The following PRIMA1 variants were observed in gnomAD, a reference collection of about 807,000 sequenced individuals.
PRIMA1 encodes proline-rich membrane anchor 1.
Under a neutral mutation model 17.5 loss-of-function variants are expected in PRIMA1, and 7 were observed. The ratio of observed to expected loss-of-function variants is 0.40; its 90% CI spans 0.23 to 0.75. The LOEUF (loss-of-function observed/expected upper bound fraction) is 0.75. Ranked by LOEUF, PRIMA1 falls within the 30% of genes least tolerant of loss-of-function variation. The pLI is 0.37. For missense variants in PRIMA1, 200 were observed against 201.8 expected (o/e 0.99, Z 0.05); for synonymous variants, 97 against 77.9 (o/e 1.25, Z -1.29).
intron 2 of PRIMA1, among the ~76,000 whole-genome samples, chr14:93,780,979 C>T (rs1885359443): frequency 6.6e-6 from 1 of 152,094 alleles, no homozygotes; most frequent in Non-Finnish European, 1.5e-5. Context: ...CTGATCCAGC[C>T]CCTCTGTCAC....
chr14:93,775,550 G>A (rs182710960), intron 3 of PRIMA1, among the ~76,000 whole-genome samples: 20 of 152,348 alleles, frequency 1.3e-4, no homozygotes, highest in Admixed American at 1.1e-3. Context: ...CCAGGCTGGA[G>A]TGCAATGGTG....
At position 93,721,400 on chromosome 14, in the gene PRIMA1, C is replaced by G; in HGVS notation, c.*44G>C. On this transcript the variant is annotated 3_prime_UTR_variant, in exon 5 of 5. Transcript: ENST00000393140. ...ACCTGCTTTCCCATGTCCACCAGTG[C>G]CACCAAGGTGTCCCTCTGGCCAGCG... is the stretch of plus-strand genomic sequence containing the variant. 1.5e-6 allele frequency: 2 copies of G among 1,311,968 alleles called. No homozygotes were observed. The highest frequency in any genetic ancestry group is 2.2e-6 in the Non-Finnish European group (2 of 908,848). 81.3% of individuals were successfully genotyped at this position (1,311,968 alleles called of 1,614,324 possible). A position where few individuals can be genotyped will look rare whatever the true frequency, so the allele number is the denominator to read the frequency against.
chr14:93,729,846 G>C lies in PRIMA1; in HGVS notation c.359+7395C>G, dbSNP rs539470632. Reference sequence around the variant, plus strand: ...CTTGGAGAGGGGACCGCTGAGTCAGGGTACATGCGTATGGGGAAGGGAGAG... The same window carrying C: ...CTTGGAGAGGGGACCGCTGAGTCAGCGTACATGCGTATGGGGAAGGGAGAG... On this transcript the variant is annotated intron_variant, in intron 4 of 4. Coordinates refer to ENST00000393140, the MANE Select transcript of PRIMA1 (RefSeq NM_178013.4). Among the ~76,000 whole-genome samples, 10 of 152,140 alleles carry C rather than the reference G, an allele frequency of 6.6e-5. No individual in the cohort carries two copies. In the South Asian group the frequency reaches 1.7e-3, roughly 25 times the overall value.
intron 3 of PRIMA1, among the ~76,000 whole-genome samples, chr14:93,769,477 T>C (rs1884989607): frequency 6.6e-6 from 1 of 152,180 alleles, no homozygotes; most frequent in African/African-American, 2.4e-5. Flanking sequence ...ATGGCAACAG[T>C]GAGCTGGGCA....
intron 4 of PRIMA1, among the ~76,000 whole-genome samples, chr14:93,731,870 G>T (rs113521177): frequency 4.7e-4 from 71 of 152,246 alleles, no homozygotes; most frequent in African/African-American, 1.6e-3. Flanking sequence ...CATCAAAAAG[G>T]CTTGAGCATT....
intron 3 of PRIMA1, 60 bp from the exon 4 acceptor site, chr14:93,737,430 G>T: frequency 1.3e-6 from 2 of 1,584,198 alleles, no homozygotes. Flanking sequence ...GCCAGTGACA[G>T]AGGTGGGACC....
At chr14:93,732,519 C>A (rs1006081451) in intron 4 of PRIMA1, among the ~76,000 whole-genome samples, 1 of 152,204 alleles carries the variant, frequency 6.6e-6, no homozygotes, top group Admixed American at 6.5e-5. Flanking sequence ...TGGGGGCAGT[C>A]TGGTCTGATT....
At chr14:93,777,423 G>A (rs1021002217) in intron 3 of PRIMA1, among the ~76,000 whole-genome samples, 2 of 152,112 alleles carry the variant, frequency 1.3e-5, no homozygotes, top group Admixed American at 6.6e-5. Flanking sequence ...TGCAACCTCC[G>A]CCTCCCGGGT....
intron 3 of PRIMA1, among the ~76,000 whole-genome samples, chr14:93,747,557 T>C (rs1487693099): frequency 6.7e-6 from 1 of 149,646 alleles, no homozygotes; most frequent in Non-Finnish European, 1.5e-5. Flanking sequence ...TGTGTGAGAG[T>C]GTGAGTGTGG....
At chr14:93,748,074 ATGTG>A (rs566849846) in intron 3 of PRIMA1, among the ~76,000 whole-genome samples, 2 of 150,418 alleles carry the variant, frequency 1.3e-5, no homozygotes, top group African/African-American at 4.9e-5. Flanking sequence ...GTGAATGTGT[ATGTG>A]TGTGAGTGCG....
chr14:93,768,951 G>A (rs1263503347), intron 3 of PRIMA1, among the ~76,000 whole-genome samples: 1 of 150,192 alleles, frequency 6.7e-6, no homozygotes, highest in Non-Finnish European at 1.5e-5. Flanking sequence ...GATTACAGGT[G>A]TGCACCACCA....
At position 93,739,288 on chromosome 14, in the gene PRIMA1, G is replaced by A. The variant is rs536430802; in HGVS notation, c.230-1918C>T. On this transcript the variant is annotated intron_variant, in intron 3 of 4. Transcript: ENST00000393140. ...GCTGGTCTCGAACTCCTGACCTCAG[G>A]TGATCTGCCCACCTCGGTCTCCCAA... is the stretch of plus-strand genomic sequence containing the variant. 1.1e-4 allele frequency among the ~76,000 whole-genome samples: 16 copies of A among 152,230 alleles called. 1 individual carries two copies. The Middle Eastern group carries it at 0.014, about 129-fold the overall frequency.
intron 1 of PRIMA1, among the ~76,000 whole-genome samples, chr14:93,788,088 TCA>T (rs1885578631): frequency 6.6e-6 from 1 of 152,018 alleles, no homozygotes; most frequent in Non-Finnish European, 1.5e-5. Flanking sequence ...CAACTCACTC[TCA>T]CTGTGAGCAC....
At chr14:93,727,856 T>C (rs748309353) in intron 4 of PRIMA1, among the ~76,000 whole-genome samples, 1 of 151,724 alleles carries the variant, frequency 6.6e-6, no homozygotes, top group Non-Finnish European at 1.5e-5. Flanking sequence ...CACAAAGCCA[T>C]CTGTTCTTCC....
At chr14:93,769,030 G>T (rs1224317647) in intron 3 of PRIMA1, among the ~76,000 whole-genome samples, 1 of 3,572 alleles carries the variant, frequency 2.8e-4, no homozygotes, top group African/African-American at 5.5e-4. Flanking sequence ...ACTGGCTAAA[G>T]ATCACTTTTT....
chr14:93,739,074 C>T (rs368437183), intron 3 of PRIMA1, among the ~76,000 whole-genome samples: 11 of 149,452 alleles, frequency 7.4e-5, no homozygotes, highest in East Asian at 3.9e-4. Flanking sequence ...TTTTTTGAGA[C>T]GGAGTTTCGC....
In PRIMA1 at chr14:93,719,770, G is replaced by C. The variant is rs2076025354; in HGVS notation, c.*1674C>G. ...ACTATGCTGATGCCCAGGTGTCCAG[G>C]GGAAGCAAAATTCAAATCTAAACCC... On this transcript the variant is annotated 3_prime_UTR_variant, in exon 5 of 5. Transcript: ENST00000393140. 6.6e-6 allele frequency: 1 copy of C among 152,420 alleles called. No homozygotes were observed. The highest frequency in any genetic ancestry group is 2.1e-4 in the South Asian group (1 of 4,830). The allele number at this position is 152,420 out of a possible 1,614,324, so 9.4% of individuals were successfully genotyped here. A position where few individuals can be genotyped will look rare whatever the true frequency, so the allele number is the denominator to read the frequency against.
rs1158677536 is a variant in PRIMA1, at chr14:93,726,378, T to C, written c.360-4832A>G. On this transcript the variant is annotated intron_variant, in intron 4 of 4. Transcript: ENST00000393140. This position sits in a 1 kb window ranked among gnomAD's most constrained non-coding sequence, Gnocchi z 4.2. ...ACTCTGGGAGCCTAAGAAGGGAGGCTGTCTTCCTGCCTCATGCGCCCCTGG... is the reference window on the plus strand; with the variant it reads ...ACTCTGGGAGCCTAAGAAGGGAGGCCGTCTTCCTGCCTCATGCGCCCCTGG... Among the ~76,000 whole-genome samples, 4 of 152,130 alleles carry C rather than the reference T, an allele frequency of 2.6e-5. No homozygotes were observed. The East Asian group carries it at 7.7e-4, about 29-fold the overall frequency.
At chr14:93,746,118 G>A (rs556262588) in intron 3 of PRIMA1, among the ~76,000 whole-genome samples, 2 of 152,276 alleles carry the variant, frequency 1.3e-5, no homozygotes, top group African/African-American at 4.8e-5. Flanking sequence ...TCGCAGCCGG[G>A]CCTGGTTGTT....
Sources: allele counts gnomAD v4.1 joint callset (sites outside exome capture counted in the v4.1 genomes callset), GRCh38; gene constraint gnomAD v4.1.1; non-coding constraint Gnocchi (gnomAD v3.1); transcripts MANE v1.5; gene names NCBI Gene and HGNC (gene_info 2026-07-23, HGNC 2026-07-21).